ARHGAP20: variants seen among roughly 807,000 people sequenced by gnomAD.
ARHGAP20 encodes Rho GTPase activating protein 20, also known as rho GTPase-activating protein 20.
ARHGAP20 carries 34 observed loss-of-function variants against 73.7 expected under a neutral mutation model. The ratio of observed to expected loss-of-function variants is 0.46; its 90% confidence interval spans 0.35 to 0.61. The LOEUF (loss-of-function observed/expected upper bound fraction) is 0.61, where lower values mean the gene tolerates loss of function less well. Among genes scored for constraint, ARHGAP20 ranks in the 20% least tolerant of loss-of-function variants. The pLI is 0.00. For synonymous variants in ARHGAP20, 523 were observed against 518.2 expected, an observed-to-expected ratio of 1.01 and a Z score of -0.13; for missense variants, 1,314 against 1,420.9, an observed-to-expected ratio of 0.92 and a Z score of 1.21.
chr11:110,644,249 A>G (rs551435815), intron 2 of ARHGAP20, among the ~76,000 whole-genome samples: 1 of 152,306 alleles, frequency 6.6e-6, no homozygotes, highest in South Asian at 2.1e-4. Flanking sequence ...CTGCAGATTC[A>G]ATGCAATTCC....
At chr11:110,673,222 G>T (rs1294619595) in intron 2 of ARHGAP20, among the ~76,000 whole-genome samples, 4 of 152,042 alleles carry the variant, frequency 2.6e-5, no homozygotes, top group African/African-American at 9.7e-5. Context: ...AACACAGAAA[G>T]CAAGAAACTA....
At chr11:110,644,276 T>C (rs753772387) in intron 2 of ARHGAP20, among the ~76,000 whole-genome samples, 13 of 152,126 alleles carry the variant, frequency 8.5e-5, no homozygotes, top group South Asian at 2.1e-4. Context: ...ACTGCCAATG[T>C]CATTTTTCAC....
In ARHGAP20 at chr11:110,579,481, A is replaced by G; in HGVS notation, c.3465T>C (p.Pro1155=). ...AAGAGCTGGCTGAGGCTCTTTCCCA[A>G]GGCAGAGAACCAGAAGAGCTCTGAC... ...PGSQSSSGSL[P]WERASASSWT... The change falls in exon 15 of 15, where the codon CCT becomes CCC. Residue 1155 remains proline, a synonymous_variant. Transcript: ENST00000683387. 1 of 1,614,130 alleles carries G rather than the reference A, an allele frequency of 6.2e-7. No homozygotes were observed. Among genetic ancestry groups the G allele is most frequent in the East Asian group, 2.2e-5 (1 of 44,874 alleles).
intron 5 of ARHGAP20, 88 bp from the exon 6 acceptor site, chr11:110,614,733 A>G: frequency 1.2e-6 from 1 of 833,400 alleles, no homozygotes; most frequent in African/African-American, 1.8e-5. Flanking sequence ...TATTTTGCTA[A>G]TATTTCCAAT....
At chr11:110,630,975 T>C (rs6589157) in intron 2 of ARHGAP20, among the ~76,000 whole-genome samples, 183 bp from the exon 3 acceptor site, 8,924 of 152,222 alleles carry the variant, frequency 0.059, 825 homozygotes, top group African/African-American at 0.2. Flanking sequence ...AAAGTTGAAA[T>C]AGTTTTATAA....
intron 2 of ARHGAP20, among the ~76,000 whole-genome samples, chr11:110,657,919 A>G (rs868808692): frequency 1.8e-5 from 2 of 113,210 alleles, no homozygotes; most frequent in Non-Finnish European, 3.7e-5. Flanking sequence ...AAAAAGAGAG[A>G]GAGGAAGGAA....
Position 110,579,670 on chromosome 11 carries a change from G to C in ARHGAP20, c.3276C>G (p.Asp1092Glu). ...GTCCTTCAGCTGCCCTTAAGGGCAA[G>C]TCTTTTTGTTCCTCTTGCAGTGAGT... ...EANSLQEEQKDLPLRAAEGLS... is the reference protein window; with the variant it reads ...EANSLQEEQKELPLRAAEGLS... Residue 1092 changes from aspartate to glutamate, a missense_variant, in exon 15 of 15, where the codon GAC (aspartate) becomes GAG (glutamate). By Grantham distance (45) the Asp-to-Glu change is conservative. Coordinates refer to ENST00000683387, the MANE Select transcript of ARHGAP20 (RefSeq NM_001384657.1). 6.2e-7 allele frequency: 1 copy of C among 1,614,218 alleles called. No homozygotes were observed. Among genetic ancestry groups the C allele is most frequent in the Non-Finnish European group, 8.5e-7 (1 of 1,180,030 alleles).
rs963857314 is a variant in ARHGAP20, at chr11:110,585,265, A to G, written c.1415+951T>C. Among the ~76,000 whole-genome samples, 10 of 151,574 alleles carry G rather than the reference A, an allele frequency of 6.6e-5. No individual in the cohort carries two copies. In the South Asian group the frequency reaches 1.7e-3, roughly 25 times the overall value. On this transcript the variant is annotated intron_variant, in intron 12 of 14. Transcript: ENST00000683387. ...TATTTCACGTGTTTATATTTGCATG[A>G]GAGTCATAATTTTACCTTTTTCCAA...
At chr11:110,584,418 GT>G (rs765253941) in intron 12 of ARHGAP20, among the ~76,000 whole-genome samples, 1,855 of 141,098 alleles carry the variant, frequency 0.013, 27 homozygotes, top group African/African-American at 0.04. Context: ...ATTCATGACT[GT>G]TTTTTTTTTT....
intron 2 of ARHGAP20, among the ~76,000 whole-genome samples, chr11:110,665,303 A>C (rs962953814): frequency 4.6e-5 from 7 of 152,208 alleles, no homozygotes; most frequent in African/African-American, 1.7e-4. Flanking sequence ...AACTAGAAAA[A>C]GGAGAATAAA....
intron 9 of ARHGAP20, among the ~76,000 whole-genome samples, chr11:110,596,807 T>C (rs1947975137): frequency 6.6e-6 from 1 of 152,128 alleles, no homozygotes; most frequent in Non-Finnish European, 1.5e-5. Context: ...ACCCAAAGGA[T>C]TATAAATCAT....
chr11:110,592,145 A>C lies in ARHGAP20; in HGVS notation c.975T>G (p.His325Gln). 1.9e-6 allele frequency: 3 copies of C among 1,612,850 alleles called. No homozygotes were observed. Among genetic ancestry groups the C allele is most frequent in the Non-Finnish European group, 2.5e-6 (3 of 1,179,170 alleles). The change falls in exon 10 of 15, where the codon CAT (histidine) becomes CAG (glutamine). Residue 325 changes from histidine (H) to glutamine (Q), a missense_variant. Coordinates refer to ENST00000683387, the MANE Select transcript of ARHGAP20 (RefSeq NM_001384657.1). ...TAGATCTTCTCCTTTTAAATGTCTTATGACCTGAATCTAAGGAAGAAGTGA... is the reference window on the plus strand; with the variant it reads ...TAGATCTTCTCCTTTTAAATGTCTTCTGACCTGAATCTAAGGAAGAAGTGA... ...AAAQQLSDSG[H>Q]KTFKRRRSII...
At chr11:110,687,969 T>C (rs143921084) in intron 2 of ARHGAP20, among the ~76,000 whole-genome samples, 84 of 152,344 alleles carry the variant, frequency 5.5e-4, no homozygotes, top group African/African-American at 1.9e-3. Context: ...CAATTATCTC[T>C]TGACGTACAA....
At chr11:110,708,826 A>G (rs1402203844) in intron 1 of ARHGAP20, among the ~76,000 whole-genome samples, 1 of 152,178 alleles carries the variant, frequency 6.6e-6, no homozygotes, top group African/African-American at 2.4e-5. Context: ...AAGCGTATAT[A>G]TATGTCAAAA....
chr11:110,682,048 A>G (rs1231897685), intron 2 of ARHGAP20, among the ~76,000 whole-genome samples: 2 of 152,218 alleles, frequency 1.3e-5, no homozygotes, highest in Non-Finnish European at 2.9e-5. Context: ...GGGTCTACCA[A>G]GAATAAATCC....
At chr11:110,598,361 C>T (rs181732094) in intron 9 of ARHGAP20, among the ~76,000 whole-genome samples, 35 of 152,248 alleles carry the variant, frequency 2.3e-4, no homozygotes, top group Admixed American at 1.8e-3. Context: ...ACTGGAACTC[C>T]AAGAACTACT....
chr11:110,598,784 C>A (rs1172593602), intron 9 of ARHGAP20, among the ~76,000 whole-genome samples: 1 of 151,654 alleles, frequency 6.6e-6, no homozygotes, highest in African/African-American at 2.4e-5. Context: ...AGCCCTGCCC[C>A]TTCTGAGTTG....
intron 5 of ARHGAP20, among the ~76,000 whole-genome samples, 173 bp from the exon 6 acceptor site, chr11:110,614,818 G>C (rs896555587): frequency 6.6e-6 from 1 of 152,148 alleles, no homozygotes. Flanking sequence ...GGTTGGAAGA[G>C]AATAAACAAA....
chr11:110,680,666 C>A (rs1950020632), intron 2 of ARHGAP20, among the ~76,000 whole-genome samples: 1 of 151,990 alleles, frequency 6.6e-6, no homozygotes, highest in African/African-American at 2.4e-5. Context: ...TCTGTAGCTA[C>A]AAAAATAAAT....
Sources: allele counts gnomAD v4.1 joint callset (sites outside exome capture counted in the v4.1 genomes callset), GRCh38; gene constraint gnomAD v4.1.1; transcripts MANE v1.5; gene names NCBI Gene and HGNC (gene_info 2026-07-23, HGNC 2026-07-21).